The following ITPR1 variants were observed in gnomAD, a reference collection of about 807,000 sequenced individuals.
ITPR1 encodes the protein inositol 1,4,5-trisphosphate-gated calcium channel ITPR1.
Under a neutral mutation model 318.4 loss-of-function variants are expected in ITPR1, and 96 were observed. The ratio of observed to expected loss-of-function variants is 0.30; its 90% CI spans 0.26 to 0.36. ITPR1 has a LOEUF of 0.36. Among genes scored for constraint, ITPR1 ranks in the 10% least tolerant of loss-of-function variants. The pLI is 1.00. For synonymous variants in ITPR1, 1,312 were observed against 1,289.9 expected, an observed-to-expected ratio of 1.02 and a Z score of -0.37; for missense variants, 2,440 against 3,460.2, an observed-to-expected ratio of 0.71 and a Z score of 7.40.
intron 6 of ITPR1, 139 bp downstream of exon 6, chr3:4,639,609 G>A (rs1344440375): frequency 9.0e-6 from 6 of 664,178 alleles, no homozygotes; most frequent in African/African-American, 1.8e-5. Flanking sequence ...AAAAAGTCTA[G>A]TGTTTCTTGT....
At chr3:4,716,461 T>C (rs2041771265) in intron 39 of ITPR1, among the ~76,000 whole-genome samples, 1 of 152,206 alleles carries the variant, frequency 6.6e-6, no homozygotes, top group Non-Finnish European at 1.5e-5. Context: ...TCTTAGAATG[T>C]ATTTAAAATC....
chr3:4,673,156 C>T lies in ITPR1; in HGVS notation c.2225C>T (p.Ala742Val), dbSNP rs779996062. Residue 742 changes from alanine (A) to valine (V), a missense_variant, in exon 21 of 62, where the codon GCG becomes GTG. Transcript: ENST00000649015. The stretch of plus-strand genomic sequence containing the variant: ...TCTAGATATCAGCTGAACCTCTTTG[C>T]GAGGATGTGTCTGGACCGCCAATAC... ...SYYRYQLNLF[A>V]RMCLDRQYLA... 2 of 1,613,440 alleles carry T rather than the reference C, an allele frequency of 1.2e-6. No homozygotes were observed. Among genetic ancestry groups the T allele is most frequent in the Non-Finnish European group, 1.7e-6 (2 of 1,179,622 alleles).
At chr3:4,512,997 C>T (rs934952633) in intron 2 of ITPR1, among the ~76,000 whole-genome samples, 33 of 152,142 alleles carry the variant, frequency 2.2e-4, no homozygotes, top group Non-Finnish European at 8.8e-5. Context: ...TCCGCAGCTC[C>T]GTGGCAGGTT....
intron 32 of ITPR1, among the ~76,000 whole-genome samples, chr3:4,691,893 T>C (rs1384550203): frequency 6.6e-6 from 1 of 152,218 alleles, no homozygotes; most frequent in Non-Finnish European, 1.5e-5. Context: ...GGCTCATGCC[T>C]GTAATCCCAG....
At chr3:4,553,842 C>G (rs1168065802) in intron 4 of ITPR1, among the ~76,000 whole-genome samples, 1 of 152,138 alleles carries the variant, frequency 6.6e-6, no homozygotes. Context: ...CTCAGGTGAT[C>G]CACCTGCCTT....
intron 12 of ITPR1, among the ~76,000 whole-genome samples, chr3:4,655,528 A>G (rs1559623584): frequency 6.6e-6 from 1 of 152,096 alleles, no homozygotes; most frequent in Non-Finnish European, 1.5e-5. Flanking sequence ...AGGTTCTCCC[A>G]GATCATTAGC....
At chr3:4,572,038 T>C (rs1445518185) in intron 4 of ITPR1, among the ~76,000 whole-genome samples, 1 of 152,250 alleles carries the variant, frequency 6.6e-6, no homozygotes, top group Non-Finnish European at 1.5e-5. Context: ...GGATTAGTTA[T>C]TCCTGAGTCT....
intron 26 of ITPR1, 127 bp downstream of exon 26, chr3:4,681,545 A>T (rs2094298138): frequency 1.5e-6 from 1 of 686,510 alleles, no homozygotes; most frequent in South Asian, 1.6e-5. Context: ...CTATCTTTGG[A>T]ACTGTTAGTA....
At chr3:4,649,415 T>C (rs1225436961) in intron 10 of ITPR1, among the ~76,000 whole-genome samples, 1 of 152,218 alleles carries the variant, frequency 6.6e-6, no homozygotes, top group Non-Finnish European at 1.5e-5. Context: ...ATTTTATATT[T>C]GTAGTAATGA....
chr3:4,691,436 T>G lies in ITPR1; in HGVS notation c.4029+92T>G. 3 of 807,160 alleles carry G rather than the reference T, an allele frequency of 3.7e-6. No individual in the cohort carries two copies. The South Asian group carries it at 5.3e-5, about 14-fold the overall frequency. The allele number at this position is 807,160 out of a possible 1,614,324, so 50.0% of individuals were successfully genotyped here. ...TTATCTGTATGAACTTGCACCCTCT[T>G]CAGGAGCCATACAGAAGGACAGAAA... On this transcript the variant is annotated intron_variant, in intron 32 of 61. Transcript: ENST00000649015.
chr3:4,770,424 C>T (rs1450675146), intron 46 of ITPR1, among the ~76,000 whole-genome samples: 1 of 152,196 alleles, frequency 6.6e-6, no homozygotes, highest in African/African-American at 2.4e-5. Flanking sequence ...AGAACCTCAA[C>T]TTTGAAAAAG....
intron 5 of ITPR1, among the ~76,000 whole-genome samples, chr3:4,635,874 T>G (rs1559584011): frequency 1.3e-5 from 2 of 152,070 alleles, no homozygotes; most frequent in African/African-American, 2.4e-5. Context: ...TTGTTTGTTT[T>G]TTTGTTTGTT....
intron 5 of ITPR1, among the ~76,000 whole-genome samples, chr3:4,629,186 G>C (rs1311224051): frequency 6.6e-6 from 1 of 152,052 alleles, no homozygotes; most frequent in Non-Finnish European, 1.5e-5. Context: ...GGCCGTATGA[G>C]CTTTATTTTA....
At chr3:4,823,899 A>G (rs1033012102) in intron 60 of ITPR1, among the ~76,000 whole-genome samples, 1 of 152,170 alleles carries the variant, frequency 6.6e-6, no homozygotes, top group African/African-American at 2.4e-5. Context: ...AATATAAGAC[A>G]TGTCTTCTGC....
chr3:4,603,358 A>G lies in ITPR1; in HGVS notation c.164-24405A>G, dbSNP rs151196085. 3.3e-3 allele frequency among the ~76,000 whole-genome samples: 495 copies of G among 152,216 alleles called. 3 individuals carry two copies. The highest frequency in any genetic ancestry group is 5.7e-3 in the Non-Finnish European group (388 of 68,022). On this transcript the variant is annotated intron_variant, in intron 4 of 61. Transcript: ENST00000649015. ...ACCCAGGTTGTGAGCATAGCACCCA[A>G]TAGGTAGTTTTTCAGCCCTCACTCC... is the stretch of plus-strand genomic sequence containing the variant.
chr3:4,523,232 C>T (rs2082702475), intron 4 of ITPR1, among the ~76,000 whole-genome samples: 1 of 152,102 alleles, frequency 6.6e-6, no homozygotes, highest in Non-Finnish European at 1.5e-5. Flanking sequence ...GGGAGATGAA[C>T]CTGGGAGAGA....
chr3:4,645,934 C>G (rs1183773244), intron 10 of ITPR1: 4 of 517,674 alleles, frequency 7.7e-6, no homozygotes, highest in Non-Finnish European at 1.4e-5. Context: ...CCACCTTATT[C>G]CAAAAATGGG....
intron 2 of ITPR1, among the ~76,000 whole-genome samples, chr3:4,498,846 G>A (rs188014149): frequency 5.3e-5 from 8 of 152,332 alleles, no homozygotes; most frequent in East Asian, 1.9e-4. Flanking sequence ...ATCCAGTGTC[G>A]TTTTAAGAGA....
chr3:4,585,944 A>T (rs1030886509), intron 4 of ITPR1, among the ~76,000 whole-genome samples: 1 of 52,228 alleles, frequency 1.9e-5, no homozygotes, highest in Admixed American at 3.1e-4. Flanking sequence ...TACAGGCCCC[A>T]GCATGTGATG....
Sources: allele counts gnomAD v4.1 joint callset (sites outside exome capture counted in the v4.1 genomes callset), GRCh38; gene constraint gnomAD v4.1.1; transcripts MANE v1.5; gene names NCBI Gene and HGNC (gene_info 2026-07-23, HGNC 2026-07-21).